RPL39L: variants seen among roughly 807,000 people sequenced by gnomAD.
RPL39L encodes ribosomal protein L39 like.
For synonymous variants in RPL39L, 16 were observed against 20.1 expected (o/e 0.80, Z 0.55); for missense variants, 48 against 58.9 (o/e 0.81, Z 0.61).
chr3:187,130,467 G>T (rs1377848867), intron 1 of RPL39L, among the ~76,000 whole-genome samples: 1 of 152,124 alleles, frequency 6.6e-6, no homozygotes, highest in Non-Finnish European at 1.5e-5. Context: ...GTGAGTTCTT[G>T]TGAGTCTGGT....
chr3:187,121,349 G>T, intron 2 of RPL39L, 21 bp from the exon 3 acceptor site: 1 of 1,591,552 alleles, frequency 6.3e-7, no homozygotes, highest in Non-Finnish European at 8.6e-7. Flanking sequence ...GAAAGGGAGA[G>T]AGAGACAGAG....
chr3:187,135,994 C>G (rs1323191794), intron 1 of RPL39L, among the ~76,000 whole-genome samples: 1 of 152,208 alleles, frequency 6.6e-6, no homozygotes, highest in Non-Finnish European at 1.5e-5. Context: ...GAACTAGAGG[C>G]TCTAGGAGGA....
intron 1 of RPL39L, among the ~76,000 whole-genome samples, chr3:187,133,514 T>C (rs1720521461): frequency 6.6e-6 from 1 of 152,124 alleles, no homozygotes; most frequent in Admixed American, 6.6e-5. Context: ...TAGCTCTTTA[T>C]AGCAGTGTGA....
intron 1 of RPL39L, among the ~76,000 whole-genome samples, chr3:187,136,016 C>A (rs1720573327): frequency 6.6e-6 from 1 of 152,244 alleles, no homozygotes; most frequent in African/African-American, 2.4e-5. Flanking sequence ...TGGATTAGGA[C>A]TGCATCCAGT....
At chr3:187,138,457 C>T (rs1263604765) in intron 1 of RPL39L, among the ~76,000 whole-genome samples, 1 of 152,098 alleles carries the variant, frequency 6.6e-6, no homozygotes, top group Non-Finnish European at 1.5e-5. Flanking sequence ...AAACGGGGAC[C>T]TTAAAGGAGA....
chr3:187,130,664 C>G (rs1007832749), intron 1 of RPL39L, among the ~76,000 whole-genome samples: 5 of 152,208 alleles, frequency 3.3e-5, no homozygotes, highest in African/African-American at 9.7e-5. Context: ...GCCAATTAAA[C>G]CTCTTCTTTA....
At chr3:187,137,267 G>A (rs1425457101) in intron 1 of RPL39L, among the ~76,000 whole-genome samples, 1 of 149,860 alleles carries the variant, frequency 6.7e-6, no homozygotes. Context: ...CAGCATTTTG[G>A]GAGGCCAAAA....
chr3:187,130,506 C>T (rs931552037), intron 1 of RPL39L, among the ~76,000 whole-genome samples: 4 of 152,052 alleles, frequency 2.6e-5, no homozygotes, highest in African/African-American at 9.7e-5. Context: ...ACTTCCCTTT[C>T]CCCAACTCTC....
At chr3:187,123,391 A>G (rs751686639) in intron 2 of RPL39L, among the ~76,000 whole-genome samples, 2 of 152,208 alleles carry the variant, frequency 1.3e-5, no homozygotes, top group African/African-American at 4.8e-5. Context: ...AAAGATAGGG[A>G]AAGTACACTA....
chr3:187,125,521 CAAG>C (rs929074722), intron 2 of RPL39L, among the ~76,000 whole-genome samples: 4 of 152,000 alleles, frequency 2.6e-5, no homozygotes, highest in Admixed American at 2.6e-4. Flanking sequence ...TGCACTCAGA[CAAG>C]AAGAAGCACC....
At chr3:187,137,732 A>C (rs907975500) in intron 1 of RPL39L, among the ~76,000 whole-genome samples, 2 of 151,226 alleles carry the variant, frequency 1.3e-5, no homozygotes, top group Non-Finnish European at 2.9e-5. Flanking sequence ...GGAGGCTGAG[A>C]CGGGAGAATC....
chr3:187,121,046 G>A lies in RPL39L; in HGVS notation c.*99C>T, dbSNP rs1720298669. On this transcript the variant is annotated 3_prime_UTR_variant, in exon 3 of 3. Coordinates refer to ENST00000296277, the MANE Select transcript of RPL39L (RefSeq NM_052969.3). ...AAAAAATATTCCCAGTAAAACATGTGCAACTGTCCAGGTAGTGGTGACATT... is the reference window on the plus strand; with the variant it reads ...AAAAAATATTCCCAGTAAAACATGTACAACTGTCCAGGTAGTGGTGACATT... The A allele has an allele frequency of 1.5e-6, 2 of 1,315,294 alleles. No homozygotes were observed. The highest frequency in any genetic ancestry group is 2.2e-6 in the Non-Finnish European group (2 of 926,154). 81.5% of individuals were successfully genotyped at this position (1,315,294 alleles called of 1,614,324 possible).
At chr3:187,137,370 C>T (rs1359528290) in intron 1 of RPL39L, among the ~76,000 whole-genome samples, 2 of 150,852 alleles carry the variant, frequency 1.3e-5, no homozygotes, top group Non-Finnish European at 2.9e-5. Context: ...AATTAGACAG[C>T]GTGGTGGCAC....
intron 1 of RPL39L, among the ~76,000 whole-genome samples, chr3:187,138,783 G>A (rs755650650): frequency 3.9e-5 from 6 of 152,210 alleles, no homozygotes; most frequent in Non-Finnish European, 8.8e-5. Context: ...CTGTAGGCCA[G>A]GAGCAGTGCC....
chr3:187,127,780 G>A (rs1720423241), intron 2 of RPL39L, among the ~76,000 whole-genome samples: 1 of 152,108 alleles, frequency 6.6e-6, no homozygotes, highest in Non-Finnish European at 1.5e-5. Context: ...AAATTAAATA[G>A]CTTTGAAAAT....
intron 2 of RPL39L, among the ~76,000 whole-genome samples, chr3:187,125,169 G>A (rs1720377127): frequency 6.6e-6 from 1 of 152,110 alleles, no homozygotes; most frequent in Admixed American, 6.5e-5. Context: ...AAACTGAGTG[G>A]GCTTCATGGT....
At chr3:187,135,003 C>T (rs1720550197) in intron 1 of RPL39L, among the ~76,000 whole-genome samples, 1 of 152,236 alleles carries the variant, frequency 6.6e-6, no homozygotes, top group Admixed American at 6.5e-5. Context: ...AGGGAAGCCT[C>T]AGAAAGGCAG....
In RPL39L at chr3:187,137,198, C is replaced by CAAAAA. The variant is rs33967617; in HGVS notation, c.-93+2010_-93+2014dup. 3.8e-3 allele frequency among the ~76,000 whole-genome samples: 143 copies of CAAAAA among 37,634 alleles called. 13 individuals are homozygous for CAAAAA. The highest frequency in any genetic ancestry group is 0.025 in the East Asian group (22 of 864). 24.7% of individuals were successfully genotyped at this position (37,634 alleles called of 152,430 possible). On this transcript the variant is annotated intron_variant, in intron 1 of 2. Transcript: ENST00000296277. The stretch of plus-strand genomic sequence containing the variant: ...TGGGCAACAGAACAACACTCTTCCT[C>CAAAAA]AAAAAAAAAAAAAAAAAAAAAAAAA...
chr3:187,132,824 A>G (rs954615305), intron 1 of RPL39L, among the ~76,000 whole-genome samples: 4 of 152,214 alleles, frequency 2.6e-5, no homozygotes, highest in Admixed American at 6.5e-5. Context: ...AAAGTCCCAT[A>G]TCCTGGGAAA....
Sources: gnomAD v4.1 joint callset for allele counts (sites outside exome capture counted in the v4.1 genomes callset) on GRCh38, gnomAD v4.1.1 for gene constraint, MANE v1.5 for transcripts, NCBI Gene and HGNC (gene_info 2026-07-23, HGNC 2026-07-21) for gene names.